IKZF4: variants seen among roughly 807,000 people sequenced by gnomAD.
IKZF4 encodes IKAROS family zinc finger 4, also known as zinc finger protein Eos.
In IKZF4, 11 loss-of-function variants were observed where a neutral mutation model predicts 47.7. The ratio of observed to expected loss-of-function variants is 0.23; its 90% CI spans 0.15 to 0.38. The LOEUF (loss-of-function observed/expected upper bound fraction) is 0.38. Ranked by LOEUF, IKZF4 falls within the 10% of genes least tolerant of loss-of-function variation. The pLI is 1.00. For missense variants in IKZF4, 557 were observed against 784.9 expected, an observed-to-expected ratio of 0.71 and a Z score of 3.47; for synonymous variants, 298 against 299.4, an observed-to-expected ratio of 1.00 and a Z score of 0.05.
At chr12:56,013,755 A>G (rs575614668) in intron 2 of IKZF4, among the ~76,000 whole-genome samples, 3 of 152,332 alleles carry the variant, frequency 2.0e-5, no homozygotes, top group Admixed American at 2.0e-4. Flanking sequence ...AGAGTAAAGT[A>G]CATCTGCTGA....
intron 1 of IKZF4, among the ~76,000 whole-genome samples, chr12:56,023,431 T>G (rs1893407594): frequency 6.6e-6 from 1 of 152,264 alleles, no homozygotes; most frequent in African/African-American, 2.4e-5. Context: ...CCTGAGATGC[T>G]CACTTCATGA....
chr12:56,032,587 T>C lies in IKZF4; in HGVS notation c.742T>C (p.Tyr248His). Reference protein sequence around the residue: ...SVSSPTVGKPYKCNYCGRSYK... With the variant: ...SVSSPTVGKPHKCNYCGRSYK... ...CTCCTCTCCCACAGTGGGCAAGCCCTACAAGTGTAACTACTGTGGCCGGAG... is the reference window on the plus strand; with the variant it reads ...CTCCTCTCCCACAGTGGGCAAGCCCCACAAGTGTAACTACTGTGGCCGGAG... Residue 248 changes from tyrosine to histidine, a missense_variant, in exon 6 of 8, where the codon TAC becomes CAC. By Grantham distance (83) the Tyr-to-His change is moderately conservative (BLOSUM62 2). Around this residue, in one of 6 missense-constraint regions of IKZF4, gnomAD observed 72 missense variants for 112.4 expected, o/e 0.64. Coordinates refer to ENST00000547167, the MANE Select transcript of IKZF4 (RefSeq NM_022465.4). The C allele has an allele frequency of 2.5e-6, 4 of 1,613,744 alleles. No homozygotes were observed. The highest frequency in any genetic ancestry group is 3.4e-6 in the Non-Finnish European group (4 of 1,179,768).
At chr12:56,019,924 G>T (rs1233316791), upstream of IKZF4, among the ~76,000 whole-genome samples, 1 of 152,238 alleles carries the variant, frequency 6.6e-6, no homozygotes, top group Admixed American at 6.5e-5. Context: ...TCTGTACTTT[G>T]AGAATTTTAG....
chr12:56,027,227 C>A (rs1894175636), intron 4 of IKZF4, among the ~76,000 whole-genome samples, 186 bp downstream of exon 4: 2 of 151,960 alleles, frequency 1.3e-5, no homozygotes, highest in South Asian at 4.2e-4. Context: ...GGGGTGGGTA[C>A]AGAATTTGAA....
chr12:56,032,010 G>C (rs1306234043), intron 5 of IKZF4, among the ~76,000 whole-genome samples: 1 of 152,134 alleles, frequency 6.6e-6, no homozygotes, highest in Non-Finnish European at 1.5e-5. Flanking sequence ...CAAAATACAA[G>C]TAAAGGTCAA....
intron 1 of IKZF4, among the ~76,000 whole-genome samples, chr12:56,008,985 T>A (rs935279637): frequency 6.6e-6 from 1 of 152,058 alleles, no homozygotes; most frequent in Non-Finnish European, 1.5e-5. Context: ...CCAGAAAATT[T>A]TTTGCATACC....
intron 7 of IKZF4, 79 bp from the exon 8 acceptor site, chr12:56,034,492 T>TAA: frequency 7.0e-7 from 1 of 1,430,890 alleles, no homozygotes; most frequent in Non-Finnish European, 9.4e-7. Flanking sequence ...GCCCCACAGG[T>TAA]AAAAAAACAA....
chr12:56,016,685 C>A (rs981767068), upstream of IKZF4, among the ~76,000 whole-genome samples: 1 of 152,118 alleles, frequency 6.6e-6, no homozygotes, highest in African/African-American at 2.4e-5. Context: ...CAACCTCCGC[C>A]TCCTGGGTTC....
chr12:56,023,292 G>T (rs1893382375), intron 1 of IKZF4, among the ~76,000 whole-genome samples: 2 of 152,108 alleles, frequency 1.3e-5, no homozygotes, highest in Admixed American at 1.3e-4. Flanking sequence ...AGTGATTTAG[G>T]GCAATTCAGC....
chr12:56,017,564 A>G (rs1433412008), upstream of IKZF4, among the ~76,000 whole-genome samples: 1 of 152,048 alleles, frequency 6.6e-6, no homozygotes, highest in African/African-American at 2.4e-5. Context: ...TCTAATCTCA[A>G]AATCAAGGAC....
chr12:56,034,631 A>T lies in IKZF4; in HGVS notation c.1058A>T (p.Tyr353Phe). 1.9e-6 allele frequency: 3 copies of T among 1,613,996 alleles called. No homozygotes were observed. The highest frequency in any genetic ancestry group is 2.5e-6 in the Non-Finnish European group (3 of 1,179,868). ...DLPYDVNSGG[Y>F]EKDVELVAHH... ...CCCTATGATGTGAACTCGGGTGGCT[A>T]TGAAAAGGATGTGGAGTTGGTGGCA... Residue 353 changes from tyrosine to phenylalanine, a missense_variant, in exon 8 of 8, where the codon TAT becomes TTT. Tyr to Phe is a conservative substitution (Grantham distance 22, BLOSUM62 3). This residue lies in a region of IKZF4 where 280 missense variants were observed against 314.0 expected (regional missense o/e 0.89). Transcript: ENST00000547167.
intron 1 of IKZF4, among the ~76,000 whole-genome samples, chr12:56,022,344 A>G (rs963223409): frequency 3.9e-5 from 6 of 152,166 alleles, no homozygotes; most frequent in African/African-American, 1.4e-4. Context: ...TGTGAACCTC[A>G]TGATTTGGCT....
chr12:56,026,013 G>A (rs1893919598), intron 3 of IKZF4, among the ~76,000 whole-genome samples: 1 of 152,102 alleles, frequency 6.6e-6, no homozygotes, highest in Non-Finnish European at 1.5e-5. Flanking sequence ...TCAGCTCACT[G>A]CAACCTCCGC....
At chr12:56,034,496 AAAAC>A in intron 7 of IKZF4, 71 bp from the exon 8 acceptor site, 1 of 1,465,070 alleles carries the variant, frequency 6.8e-7, no homozygotes, top group South Asian at 1.4e-5. Context: ...CACAGGTAAA[AAAAC>A]AAAGAAGTAA....
Position 56,025,172 on chromosome 12 carries a change from C to G in IKZF4, c.286+14C>G. The stretch of plus-strand genomic sequence containing the variant: ...GCTCACTCAGTGGTAAGTGTAACCT[C>G]CTACCACCTCCTGGCAGTAGGCACC... On this transcript the variant is annotated intron_variant, in intron 3 of 7. Transcript: ENST00000547167. 6.5e-7 allele frequency: 1 copy of G among 1,538,890 alleles called. No individual in the cohort carries two copies. Among genetic ancestry groups the G allele is most frequent in the Non-Finnish European group, 8.7e-7 (1 of 1,146,080 alleles).
intron 5 of IKZF4, among the ~76,000 whole-genome samples, chr12:56,032,043 T>C (rs868772709): frequency 2.6e-5 from 4 of 152,094 alleles, no homozygotes; most frequent in African/African-American, 4.8e-5. Flanking sequence ...CCTCCCCACA[T>C]TGGCAGATCT....
intron 4 of IKZF4, among the ~76,000 whole-genome samples, chr12:56,027,448 CA>C (rs1482631236): frequency 6.6e-6 from 1 of 152,058 alleles, no homozygotes; most frequent in Non-Finnish European, 1.5e-5. Flanking sequence ...AAACAGAAAA[CA>C]AAAGCCTTCT....
In IKZF4 at chr12:56,021,546, G is replaced by A. The variant is rs368707719; in HGVS notation, c.53G>A (p.Arg18His). The change falls in exon 1 of 8, where the codon CGC (arginine) becomes CAC (histidine). Residue 18 changes from arginine to histidine, a missense_variant. Coordinates refer to ENST00000547167, the MANE Select transcript of IKZF4 (RefSeq NM_022465.4). ...PRRFQGGGRV[R>H]TPGSHRQGKD... is the part of the protein sequence containing the mutation. ...CGTTTCCAAGGCGGCGGCCGCGTTC[G>A]CACCCCAGGGTCTCACCGGCAAGGG... is the stretch of plus-strand genomic sequence containing the variant. The A allele has an allele frequency of 5.5e-5, 89 of 1,608,746 alleles. No individual in the cohort carries two copies. Among genetic ancestry groups the A allele is most frequent in the South Asian group, 8.9e-5 (8 of 89,928 alleles).
At chr12:56,016,416 TTTC>T (rs1892065344), upstream of IKZF4, among the ~76,000 whole-genome samples, 1 of 150,840 alleles carries the variant, frequency 6.6e-6, no homozygotes, top group Non-Finnish European at 1.5e-5. Flanking sequence ...TTTCTTTTTT[TTTC>T]TTTTCTTTTT....
Sources: allele counts gnomAD v4.1 joint callset (sites outside exome capture counted in the v4.1 genomes callset), GRCh38; gene constraint gnomAD v4.1.1; regional missense constraint gnomAD v4.1.1; transcripts MANE v1.5; gene names NCBI Gene and HGNC (gene_info 2026-07-23, HGNC 2026-07-21).